Variants in TSLP observed in about 807,000 individuals in gnomAD.
TSLP encodes thymic stroma-derived lymphopoietin.
A neutral mutation model predicts 12.4 loss-of-function variants in TSLP; 12 were observed. The observed-to-expected ratio is 0.97, with a 90% CI of 0.62 to 1.57. The LOEUF is 1.57. Among genes scored for constraint, TSLP ranks in the 40% most tolerant of loss-of-function variants. The pLI is 0.00. For missense variants in TSLP, 222 were observed against 189.6 expected (o/e 1.17, Z -1.00); for synonymous variants, 97 against 69.5 (o/e 1.40, Z -1.97).
rs1176093280 is a variant in TSLP, at chr5:111,076,375, A to G, written c.*301A>G. The G allele has an allele frequency of 2.5e-5, 7 of 280,904 alleles. No individual in the cohort carries two copies. Among genetic ancestry groups the G allele is most frequent in the Admixed American group, 5.4e-5 (1 of 18,488 alleles). The allele number at this position is 280,904 out of a possible 1,614,324, so 17.4% of individuals were successfully genotyped here. A position where few individuals can be genotyped will look rare whatever the true frequency, so the allele number is the denominator to read the frequency against. ...GAAAATCCAAAAGTGCAGCAGGAGA[A>G]CTCTTTTCCCTGAAAAAGGAAAAAT... On this transcript the variant is annotated 3_prime_UTR_variant, in exon 4 of 4. Transcript: ENST00000344895.
intron 2 of TSLP, 106 bp from the exon 3 acceptor site, chr5:111,073,405 C>T (rs1363700097): frequency 1.3e-6 from 2 of 1,562,988 alleles, no homozygotes; most frequent in East Asian, 2.2e-5. Context: ...TTGTGTTCCC[C>T]GCTCCTCCCT....
intron 2 of TSLP, chr5:111,073,173 G>C: frequency 1.1e-6 from 1 of 917,818 alleles, no homozygotes; most frequent in South Asian, 1.9e-5. Flanking sequence ...GAACTGGGAC[G>C]AGGGAACGTT....
upstream of TSLP, chr5:111,071,638 G>C (rs768266820): frequency 1.6e-5 from 23 of 1,443,136 alleles, no homozygotes; most frequent in Non-Finnish European, 2.0e-5. Flanking sequence ...TGACATGGTA[G>C]AAAATCATTG....
upstream of TSLP, chr5:111,071,642 A>G (rs1752340232): frequency 2.1e-6 from 3 of 1,440,058 alleles, no homozygotes; most frequent in Admixed American, 2.7e-5. Context: ...ATGGTAGAAA[A>G]TCATTGGCCT....
rs11466751 is a variant in TSLP, at chr5:111,077,431, G to C, written c.*1357G>C. On this transcript the variant is annotated 3_prime_UTR_variant, in exon 4 of 4. Transcript: ENST00000344895. ...GAAAAGTAGGTAAGACTCAGCCTTT[G>C]TCCAGAGAAGCTCAGGGTATAGCTG... The C allele has an allele frequency of 2.6e-5, 4 of 152,202 alleles. No individual in the cohort carries two copies. Among genetic ancestry groups the C allele is most frequent in the African/African-American group, 4.8e-5 (2 of 41,434 alleles). 9.4% of individuals were successfully genotyped at this position (152,202 alleles called of 1,614,324 possible).
At chr5:111,071,292 A>C (rs1752331668), upstream of TSLP, 2 of 639,280 alleles carry the variant, frequency 3.1e-6, no homozygotes, top group South Asian at 6.7e-5. Flanking sequence ...GAGAAGGGAA[A>C]GCACTAGTTG....
In TSLP at chr5:111,075,892, A is replaced by C. The variant is rs1580378432; in HGVS notation, c.352-54A>C. ...GAAGGCAATTAAACCTGCTCTCAAC[A>C]GTTACTAAAGATAGTGAAAAGTAAT... On this transcript the variant is annotated intron_variant, in intron 3 of 3. Transcript: ENST00000344895. 4 of 1,584,104 alleles carry C rather than the reference A, an allele frequency of 2.5e-6. No individual in the cohort carries two copies. In the South Asian group the frequency reaches 4.5e-5, roughly 18 times the overall value.
At chr5:111,075,017 T>G (rs1752460231) in intron 3 of TSLP, among the ~76,000 whole-genome samples, 1 of 152,186 alleles carries the variant, frequency 6.6e-6, no homozygotes, top group South Asian at 2.1e-4. Context: ...ATGGGAAACC[T>G]ATTTGGCTTC....
chr5:111,074,627 C>CTTTTT (rs35180980), intron 3 of TSLP, among the ~76,000 whole-genome samples: 4 of 110,330 alleles, frequency 3.6e-5, no homozygotes, highest in East Asian at 2.7e-4. Context: ...ACGACTGTCA[C>CTTTTT]TTTTTTTTTT....
intron 3 of TSLP, among the ~76,000 whole-genome samples, chr5:111,075,385 C>T (rs1752472103): frequency 6.6e-6 from 1 of 151,816 alleles, no homozygotes; most frequent in South Asian, 2.1e-4. Flanking sequence ...GACAATGGGG[C>T]AGGGGAGGGG....
At position 111,076,206 on chromosome 5, in the gene TSLP, C is replaced by G; in HGVS notation, c.*132C>G. 9.0e-7 allele frequency: 1 copy of G among 1,112,988 alleles called. No homozygotes were observed. The highest frequency in any genetic ancestry group is 1.3e-6 in the Non-Finnish European group (1 of 769,776). 68.9% of individuals were successfully genotyped at this position (1,112,988 alleles called of 1,614,324 possible). A position where few individuals can be genotyped will look rare whatever the true frequency, so the allele number is the denominator to read the frequency against. ...TTTTAATTACAGAAGAGTTTCTTAA[C>G]TTACTTTTGTAAGTTTTTATTGTGT... On this transcript the variant is annotated 3_prime_UTR_variant, in exon 4 of 4. Transcript: ENST00000344895.
intron 2 of TSLP, 86 bp from the exon 3 acceptor site, chr5:111,073,425 C>G: frequency 6.3e-7 from 1 of 1,588,658 alleles, no homozygotes; most frequent in Non-Finnish European, 8.6e-7. Context: ...TGACCTTCCT[C>G]CCCTCCCCTT....
At chr5:111,071,709 G>T, upstream of TSLP, 2 of 1,204,724 alleles carry the variant, frequency 1.7e-6, no homozygotes, top group Non-Finnish European at 2.3e-6. Flanking sequence ...GAAAGCTCTG[G>T]AGCATCAGGG....
At position 111,075,320 on chromosome 5, in the gene TSLP, G is replaced by C. The variant is rs1008322243; in HGVS notation, c.352-626G>C. On this transcript the variant is annotated intron_variant, in intron 3 of 3. Transcript: ENST00000344895. ...ACTACTCAAAGGTAATTCAGATAAA[G>C]GTATATACTGCAATCCTCTTTAAAA... Among the ~76,000 whole-genome samples the C allele has an allele frequency of 7.4e-4, 113 of 152,034 alleles. 5 individuals carry two copies. The highest frequency in any genetic ancestry group is 4.4e-5 in the Non-Finnish European group (3 of 68,032).
At chr5:111,074,092 C>T (rs887130719) in intron 3 of TSLP, among the ~76,000 whole-genome samples, 3 of 152,148 alleles carry the variant, frequency 2.0e-5, no homozygotes, top group African/African-American at 4.8e-5. Context: ...TTATTGTGTG[C>T]TTATTTGCTA....
chr5:111,073,231 G>C lies in TSLP; in HGVS notation c.217-280G>C, dbSNP rs190304866. ...GTCCGGCGCCTCCGCGCTCGGGCTC[G>C]GAATTTTGGCAGCCTCCGCCCCCTG... is the stretch of plus-strand genomic sequence containing the variant. On this transcript the variant is annotated intron_variant, in intron 2 of 3. Transcript: ENST00000344895. 784 of 1,359,114 alleles carry C rather than the reference G, an allele frequency of 5.8e-4. 7 individuals are homozygous for C. The African/African-American group carries it at 0.011, about 19-fold the overall frequency. 84.2% of individuals were successfully genotyped at this position (1,359,114 alleles called of 1,614,324 possible). A position where few individuals can be genotyped will look rare whatever the true frequency, so the allele number is the denominator to read the frequency against.
At position 111,071,882 on chromosome 5, in the gene TSLP, T is replaced by C. The variant is rs368315454; in HGVS notation, c.-9T>C. On this transcript the variant is annotated 5_prime_UTR_variant, in exon 1 of 4. Transcript: ENST00000344895. ...AGTGTGAAACTGGGGTGGAATTGGG[T>C]GTCCACGTATGTTCCCTTTTGCCTT... is the stretch of plus-strand genomic sequence containing the variant. 1.9e-6 allele frequency: 3 copies of C among 1,611,412 alleles called. No homozygotes were observed. The highest frequency in any genetic ancestry group is 2.5e-6 in the Non-Finnish European group (3 of 1,177,918).
In TSLP at chr5:111,071,852, A is replaced by G. The variant is rs1418102137; in HGVS notation, c.-39A>G. ...GATCTCTTACACTCGTGGTGGGAAG[A>G]GTTTAGTGTGAAACTGGGGTGGAAT... On this transcript the variant is annotated 5_prime_UTR_variant, in exon 1 of 4. Transcript: ENST00000344895. The G allele has an allele frequency of 1.2e-6, 2 of 1,601,872 alleles. No individual in the cohort carries two copies. Among genetic ancestry groups the G allele is most frequent in the Non-Finnish European group, 8.5e-7 (1 of 1,171,822 alleles).
At chr5:111,072,174 C>A (rs1752358572) in intron 1 of TSLP, 113 bp downstream of exon 1, 4 of 893,764 alleles carry the variant, frequency 4.5e-6, no homozygotes, top group Non-Finnish European at 6.6e-6. Flanking sequence ...AAAATCATGG[C>A]CCCACATTTT....
Sources: allele counts gnomAD v4.1 joint callset (sites outside exome capture counted in the v4.1 genomes callset), GRCh38; gene constraint gnomAD v4.1.1; transcripts MANE v1.5; gene names NCBI Gene and HGNC (gene_info 2026-07-23, HGNC 2026-07-21).